TCEA3: variants seen among roughly 807,000 people sequenced by gnomAD.
TCEA3 encodes transcription elongation factor A3.
In TCEA3, 36 loss-of-function variants were observed where a neutral mutation model predicts 44.0. That is an observed-to-expected ratio of 0.82 (90% CI 0.63 to 1.08). TCEA3 has a LOEUF of 1.08. Among genes scored for constraint, TCEA3 ranks in the 50% least tolerant of loss-of-function variants. The probability of loss-of-function intolerance (pLI) is 0.00; values close to 1 mark genes in which losing one functional copy is unlikely to be tolerated. For missense variants in TCEA3, 392 were observed against 441.2 expected, an observed-to-expected ratio of 0.89 and a Z score of 1.00; for synonymous variants, 162 against 159.7, an observed-to-expected ratio of 1.01 and a Z score of -0.11.
At chr1:23,401,657 T>C (rs1639398408) in intron 5 of TCEA3, among the ~76,000 whole-genome samples, 1 of 152,182 alleles carries the variant, frequency 6.6e-6, no homozygotes, top group East Asian at 1.9e-4. Flanking sequence ...CCCTGTGTCC[T>C]CTTCCCCCAC....
chr1:23,415,054 C>T (rs1200176107), intron 4 of TCEA3, among the ~76,000 whole-genome samples: 3 of 123,958 alleles, frequency 2.4e-5, no homozygotes, highest in Admixed American at 1.8e-4. Context: ...AACAGAGTCT[C>T]ACTCTGTTGT....
intron 7 of TCEA3, among the ~76,000 whole-genome samples, chr1:23,395,563 C>T (rs1029758611): frequency 5.9e-5 from 9 of 152,162 alleles, no homozygotes; most frequent in Admixed American, 1.3e-4. Context: ...TGGTGGCTCA[C>T]GCCTGTAATC....
intron 5 of TCEA3, among the ~76,000 whole-genome samples, chr1:23,407,608 G>C (rs1487454422): frequency 6.6e-6 from 1 of 152,020 alleles, no homozygotes; most frequent in African/African-American, 2.4e-5. Flanking sequence ...CTTCCTCGAT[G>C]AGGACTTTTC....
chr1:23,383,769 C>G, intron 10 of TCEA3: 22 of 985,786 alleles, frequency 2.2e-5, no homozygotes, highest in Non-Finnish European at 2.4e-5. Context: ...AAGGAGCACT[C>G]TGGGAGGAGT....
At chr1:23,406,060 A>G (rs1558053651) in intron 5 of TCEA3, among the ~76,000 whole-genome samples, 2 of 152,146 alleles carry the variant, frequency 1.3e-5, no homozygotes, top group East Asian at 1.9e-4. Context: ...GCTGAGATCC[A>G]CTGGTCTAGA....
chr1:23,393,331 G>A (rs990316082), intron 8 of TCEA3, among the ~76,000 whole-genome samples: 4 of 151,934 alleles, frequency 2.6e-5, no homozygotes, highest in African/African-American at 9.7e-5. Context: ...GAGGGTTAGG[G>A]ATCCCTAATA....
At chr1:23,384,260 C>T in intron 10 of TCEA3, 86 bp downstream of exon 10, 1 of 1,607,748 alleles carries the variant, frequency 6.2e-7, no homozygotes, top group Non-Finnish European at 8.5e-7. Context: ...ATGCACAAGG[C>T]CCCTTCTGGG....
chr1:23,408,716 C>G lies in TCEA3; in HGVS notation c.391G>C (p.Val131Leu). Residue 131 changes from valine (V) to leucine (L), a missense_variant, in exon 5 of 11, where the codon GTG becomes CTG. By Grantham distance (32) the Val-to-Leu change is conservative (BLOSUM62 1). Transcript: ENST00000450454. ...REDPKTRRDS[V>L]DSKSSASSSP... ...GAGGAGGCAGAAGACTTGGAGTCCA[C>G]AGAGTCTCTCCTGAAAGAAGAAAAT... 1 of 1,609,108 alleles carries G rather than the reference C, an allele frequency of 6.2e-7. No individual in the cohort carries two copies. The highest frequency in any genetic ancestry group is 8.5e-7 in the Non-Finnish European group (1 of 1,177,836).
intron 8 of TCEA3, among the ~76,000 whole-genome samples, chr1:23,387,799 T>C (rs926455754): frequency 6.6e-6 from 1 of 152,176 alleles, no homozygotes; most frequent in Non-Finnish European, 1.5e-5. Flanking sequence ...ATGTTCCCCT[T>C]AGCCTTCCTC....
intron 5 of TCEA3, among the ~76,000 whole-genome samples, chr1:23,404,805 A>AT (rs924445077): frequency 5.3e-5 from 8 of 151,720 alleles, no homozygotes; most frequent in Admixed American, 2.0e-4. Flanking sequence ...CAAAAAAAAA[A>AT]TTTTTTTTAA....
At chr1:23,420,832 A>T (rs1197366497) in intron 1 of TCEA3, among the ~76,000 whole-genome samples, 1 of 152,122 alleles carries the variant, frequency 6.6e-6, no homozygotes, top group Non-Finnish European at 1.5e-5. Context: ...CAGGCCCTGG[A>T]CACCCTCCGA....
rs554009046 is a variant in TCEA3 at position 23,387,378 on chromosome 1, C to A, written c.861G>T (p.Met287Ile). Reference sequence around the variant, plus strand: ...GGTGCTCACGGATGGCCTCCTGGGTCATGGCATTCCTCAACTCCCTCAGTT... The same window carrying A: ...GGTGCTCACGGATGGCCTCCTGGGTAATGGCATTCCTCAACTCCCTCAGTT... ...SDELRELRNA[M>I]TQEAIREHQM... Residue 287 changes from methionine (M) to isoleucine (I), a missense_variant, in exon 9 of 11, where the codon ATG becomes ATT. By Grantham distance (10) the Met-to-Ile change is conservative. Transcript: ENST00000450454. 5 of 1,611,152 alleles carry A rather than the reference C, an allele frequency of 3.1e-6. No individual in the cohort carries two copies. Among genetic ancestry groups the A allele is most frequent in the Non-Finnish European group, 4.2e-6 (5 of 1,178,744 alleles).
intron 1 of TCEA3, among the ~76,000 whole-genome samples, chr1:23,422,363 T>C (rs1331678174): frequency 2.6e-5 from 4 of 152,216 alleles, no homozygotes; most frequent in Non-Finnish European, 5.9e-5. Flanking sequence ...GTTATAGCTA[T>C]GTGTGTGTAT....
Position 23,393,945 on chromosome 1 carries a change from G to C in TCEA3, c.753C>G (p.Pro251=), listed in dbSNP as rs371648023. The C allele has an allele frequency of 6.2e-7, 1 of 1,613,950 alleles. No individual in the cohort carries two copies. Among genetic ancestry groups the C allele is most frequent in the Admixed American group, 1.7e-5 (1 of 60,016 alleles). ...RISNLKDPRN[P]GLRRNVLSGA... is the part of the protein sequence containing the mutation. Reference sequence around the variant, plus strand: ...CACTGAGCACGTTCCGCCGCAGGCCGGGGTTCCTGGGGTCCTTGAGGTTGC... The same window carrying C: ...CACTGAGCACGTTCCGCCGCAGGCCCGGGTTCCTGGGGTCCTTGAGGTTGC... The change falls in exon 8 of 11, where the codon CCC becomes CCG. Residue 251 remains proline, a synonymous_variant. Coordinates refer to ENST00000450454, the MANE Select transcript of TCEA3 (RefSeq NM_003196.3).
chr1:23,405,983 T>G (rs980340836), intron 5 of TCEA3, among the ~76,000 whole-genome samples: 2 of 152,130 alleles, frequency 1.3e-5, no homozygotes, highest in Non-Finnish European at 2.9e-5. Context: ...CTTCTCACCT[T>G]ACCCCTACTT....
At chr1:23,404,140 T>C (rs930523831) in intron 5 of TCEA3, 7 of 702,220 alleles carry the variant, frequency 1.0e-5, no homozygotes, top group African/African-American at 1.7e-5. Flanking sequence ...GCATTTCAGT[T>C]ACTGCATCAG....
rs111287939 is a variant in TCEA3, at chr1:23,384,658, T to C, written c.967-241A>G. ...CTGGCTTAACCTGGCCTTTTGCACT[T>C]CCGCTTTTTTTTTTTTTTTTTTTTT... On this transcript the variant is annotated intron_variant, in intron 9 of 10. Coordinates refer to ENST00000450454, the MANE Select transcript of TCEA3 (RefSeq NM_003196.3). 7.1e-3 allele frequency among the ~76,000 whole-genome samples: 1,034 copies of C among 145,178 alleles called. 16 individuals are homozygous for C. The highest frequency in any genetic ancestry group is 0.026 in the African/African-American group (988 of 37,652).
At chr1:23,417,848 C>T in intron 3 of TCEA3, 56 bp downstream of exon 3, 1 of 1,526,678 alleles carries the variant, frequency 6.6e-7, no homozygotes, top group East Asian at 2.3e-5. Flanking sequence ...CAGGCCCAGT[C>T]CTGTCCCAAG....
intron 8 of TCEA3, among the ~76,000 whole-genome samples, chr1:23,393,174 C>G (rs1162746422): frequency 1.3e-5 from 2 of 151,984 alleles, no homozygotes; most frequent in African/African-American, 4.8e-5. Flanking sequence ...GAATCTAATG[C>G]CGTCACTGAT....
Sources: allele counts gnomAD v4.1 joint callset (sites outside exome capture counted in the v4.1 genomes callset), GRCh38; gene constraint gnomAD v4.1.1; transcripts MANE v1.5; gene names NCBI Gene and HGNC (gene_info 2026-07-23, HGNC 2026-07-21).